NKAIN3: variants seen among roughly 807,000 people sequenced by gnomAD.
The protein encoded by NKAIN3 is sodium/potassium transporting ATPase interacting 3.
Under a neutral mutation model 30.2 loss-of-function variants are expected in NKAIN3, and 25 were observed. That is an observed-to-expected ratio of 0.83 (90% confidence interval 0.60 to 1.16). NKAIN3 has a LOEUF of 1.16. Ranked by LOEUF, NKAIN3 falls within the 50% of genes most tolerant of loss-of-function variation. The pLI, the probability that NKAIN3 is intolerant of heterozygous loss-of-function variation, is 0.00. For missense variants in NKAIN3, 225 were observed against 254.1 expected, an observed-to-expected ratio of 0.89 and a Z score of 0.78; for synonymous variants, 91 against 89.6, an observed-to-expected ratio of 1.02 and a Z score of -0.09.
intron 4 of NKAIN3, among the ~76,000 whole-genome samples, chr8:62,865,423 A>G (rs1331651892): frequency 6.6e-6 from 1 of 152,034 alleles, no homozygotes; most frequent in African/African-American, 2.4e-5. Context: ...ATCCTCAGAC[A>G]TTTATTTTGC....
chr8:62,817,404 G>A (rs1818718128), intron 4 of NKAIN3, among the ~76,000 whole-genome samples: 1 of 152,060 alleles, frequency 6.6e-6, no homozygotes, highest in Non-Finnish European at 1.5e-5. Context: ...TGTTTCGAGT[G>A]GGAAGTTTTA....
At chr8:62,338,923 C>T (rs1815651874) in intron 1 of NKAIN3, among the ~76,000 whole-genome samples, 1 of 152,024 alleles carries the variant, frequency 6.6e-6, no homozygotes, top group South Asian at 2.1e-4. Flanking sequence ...TTTGGCAACA[C>T]CCTCATAGAC....
chr8:62,711,856 A>C (rs571533424), intron 3 of NKAIN3, among the ~76,000 whole-genome samples: 26 of 151,990 alleles, frequency 1.7e-4, no homozygotes, highest in Non-Finnish European at 3.2e-4. Context: ...GGTCTCTTCC[A>C]TTTGGGTAGC....
At chr8:62,583,520 C>G (rs1039233372) in intron 2 of NKAIN3, among the ~76,000 whole-genome samples, 6 of 152,142 alleles carry the variant, frequency 3.9e-5, no homozygotes, top group Non-Finnish European at 7.4e-5. Flanking sequence ...GTTTCATTCT[C>G]ATAAATATCC....
chr8:62,911,198 A>G (rs913419406), intron 4 of NKAIN3, among the ~76,000 whole-genome samples: 4 of 152,288 alleles, frequency 2.6e-5, no homozygotes, highest in Middle Eastern at 3.4e-3. Flanking sequence ...TTAGAAAATA[A>G]TATTCGTTGT....
intron 1 of NKAIN3, among the ~76,000 whole-genome samples, chr8:62,379,795 A>G (rs570462126): frequency 2.3e-4 from 35 of 152,312 alleles, no homozygotes; most frequent in Admixed American, 7.2e-4. Flanking sequence ...TAATACACAT[A>G]GGAAAAAGGA....
At chr8:62,327,039 G>A (rs1235730843) in intron 1 of NKAIN3, among the ~76,000 whole-genome samples, 3 of 151,824 alleles carry the variant, frequency 2.0e-5, no homozygotes, top group Non-Finnish European at 4.4e-5. Context: ...ATCTCATTAT[G>A]GTTTTGATTT....
intron 4 of NKAIN3, among the ~76,000 whole-genome samples, chr8:62,818,300 C>A (rs1438530981): frequency 1.3e-5 from 2 of 151,994 alleles, no homozygotes; most frequent in African/African-American, 4.8e-5. Flanking sequence ...TCTGTGAGAT[C>A]GTAATTATTT....
chr8:62,319,931 G>A (rs1390751888), intron 1 of NKAIN3, among the ~76,000 whole-genome samples: 1 of 152,034 alleles, frequency 6.6e-6, no homozygotes, highest in African/African-American at 2.4e-5. Context: ...TGACAGTGGG[G>A]TGTTAAAGTC....
chr8:62,599,665 G>A (rs889965624), intron 3 of NKAIN3, among the ~76,000 whole-genome samples: 3 of 151,950 alleles, frequency 2.0e-5, no homozygotes, highest in South Asian at 2.1e-4. Context: ...TGAGTGACTC[G>A]TTTAAAAATA....
chr8:62,271,907 G>T (rs574155639), intron 1 of NKAIN3, among the ~76,000 whole-genome samples: 33 of 152,252 alleles, frequency 2.2e-4, no homozygotes, highest in African/African-American at 7.5e-4. Flanking sequence ...TGCGGTGAGG[G>T]GCAGGATTGC....
intron 3 of NKAIN3, among the ~76,000 whole-genome samples, chr8:62,704,038 A>G (rs1242699487): frequency 3.3e-5 from 5 of 152,168 alleles, no homozygotes; most frequent in Non-Finnish European, 7.3e-5. Flanking sequence ...TCAATATGTC[A>G]ACTTACGATA....
At chr8:62,611,744 A>G (rs924412272) in intron 3 of NKAIN3, among the ~76,000 whole-genome samples, 3 of 152,180 alleles carry the variant, frequency 2.0e-5, no homozygotes, top group African/African-American at 4.8e-5. Context: ...GTGGGGCAAC[A>G]AACATAGGAG....
chr8:62,985,214 C>A (rs573790521), downstream of NKAIN3, among the ~76,000 whole-genome samples: 2 of 152,342 alleles, frequency 1.3e-5, no homozygotes, highest in East Asian at 3.9e-4. Context: ...CATCTCACCC[C>A]TGCCACTCAC....
chr8:62,289,352 C>T (rs1461085681), intron 1 of NKAIN3, among the ~76,000 whole-genome samples: 1 of 152,144 alleles, frequency 6.6e-6, no homozygotes, highest in Non-Finnish European at 1.5e-5. Context: ...CCTAGGTTTT[C>T]TTCTAGGGTT....
chr8:62,461,213 A>G (rs2129599495), intron 1 of NKAIN3, among the ~76,000 whole-genome samples: 1 of 152,356 alleles, frequency 6.6e-6, no homozygotes, highest in East Asian at 1.9e-4. Context: ...ATAGATGACC[A>G]CTGAGTTACT....
chr8:62,933,722 G>A lies in NKAIN3; in HGVS notation c.532+15209G>A, dbSNP rs145997565. On this transcript the variant is annotated intron_variant, in intron 5 of 6. Transcript: ENST00000623646. ...ATTCCAAAGATCTGGACTCACAGTG[G>A]GAGCAAAAGCCAGAAGTACAGTCAA... Among the ~76,000 whole-genome samples, 141 of 152,244 alleles carry A rather than the reference G, an allele frequency of 9.3e-4. 1 individual carries two copies. Among genetic ancestry groups the A allele is most frequent in the African/African-American group, 3.1e-3 (129 of 41,542 alleles).
chr8:62,489,152 G>A (rs1006528747), intron 1 of NKAIN3, among the ~76,000 whole-genome samples: 1 of 151,168 alleles, frequency 6.6e-6, no homozygotes, highest in African/African-American at 2.4e-5. Context: ...AAGTAGCTGG[G>A]ACTACAGGTG....
chr8:62,502,750 G>A (rs756775909), intron 1 of NKAIN3, among the ~76,000 whole-genome samples: 3 of 152,114 alleles, frequency 2.0e-5, no homozygotes, highest in Non-Finnish European at 4.4e-5. Flanking sequence ...ATTTACATAT[G>A]TAGCAGCTTG....
Sources: allele counts gnomAD v4.1 joint callset (sites outside exome capture counted in the v4.1 genomes callset), GRCh38; gene constraint gnomAD v4.1.1; transcripts MANE v1.5; gene names NCBI Gene and HGNC (gene_info 2026-07-23, HGNC 2026-07-21).